Variants in PSD3 observed in about 807,000 individuals in gnomAD.
PSD3 encodes the protein PH and SEC7 domain-containing protein 3.
A neutral mutation model predicts 105.5 loss-of-function variants in PSD3; 49 were observed. The observed-to-expected ratio is 0.46, with a 90% CI of 0.37 to 0.59. The LOEUF is 0.59. Among genes scored for constraint, PSD3 ranks in the 20% least tolerant of loss-of-function variants. The pLI is 0.00. For synonymous variants in PSD3, 557 were observed against 457.8 expected (o/e 1.22, Z -2.77); for missense variants, 1,561 against 1,263.8 (o/e 1.24, Z -3.57).
intron 1 of PSD3, among the ~76,000 whole-genome samples, chr8:18,968,864 A>C (rs1351836670): frequency 2.5e-5 from 3 of 120,664 alleles, no homozygotes; most frequent in Non-Finnish European, 5.6e-5. Flanking sequence ...TGACAGAGCA[A>C]AAAAAAAATG....
intron 1 of PSD3, among the ~76,000 whole-genome samples, chr8:19,037,741 G>C (rs1234447995): frequency 1.3e-5 from 2 of 152,106 alleles, no homozygotes; most frequent in Non-Finnish European, 2.9e-5. Context: ...ACTCAGAACA[G>C]AACTTGCATC....
chr8:18,603,151 G>C (rs540608670), intron 11 of PSD3, among the ~76,000 whole-genome samples: 1 of 152,284 alleles, frequency 6.6e-6, no homozygotes, highest in African/African-American at 2.4e-5. Flanking sequence ...TTACATGTGA[G>C]CCCATCTTTT....
intron 1 of PSD3, among the ~76,000 whole-genome samples, chr8:19,002,846 C>A (rs1826476211): frequency 6.6e-6 from 1 of 152,036 alleles, no homozygotes; most frequent in South Asian, 2.1e-4. Context: ...TAGAATTTTT[C>A]TCCTGGCTTC....
At chr8:18,624,832 TCTTTA>T (rs1204216462) in intron 11 of PSD3, among the ~76,000 whole-genome samples, 2 of 152,092 alleles carry the variant, frequency 1.3e-5, no homozygotes, top group Non-Finnish European at 2.9e-5. Flanking sequence ...TAATATAAAG[TCTTTA>T]CTTTTAGTGT....
chr8:18,842,658 G>C (rs1004352312), intron 4 of PSD3, among the ~76,000 whole-genome samples: 1 of 152,076 alleles, frequency 6.6e-6, no homozygotes, highest in African/African-American at 2.4e-5. Flanking sequence ...GCGTGAACCC[G>C]GGATGCGGAG....
chr8:18,714,269 A>G (rs1802438543), intron 9 of PSD3, among the ~76,000 whole-genome samples: 3 of 152,196 alleles, frequency 2.0e-5, no homozygotes, highest in Non-Finnish European at 4.4e-5. Flanking sequence ...AAAAGTAAAA[A>G]TTGACAAATG....
chr8:19,064,658 T>C (rs1189748910), intron 1 of PSD3, among the ~76,000 whole-genome samples: 1 of 152,210 alleles, frequency 6.6e-6, no homozygotes, highest in African/African-American at 2.4e-5. Flanking sequence ...AGATTAACCT[T>C]TCTGAATTAT....
At chr8:18,855,650 T>C (rs1815950017) in intron 4 of PSD3, among the ~76,000 whole-genome samples, 1 of 152,094 alleles carries the variant, frequency 6.6e-6, no homozygotes. Context: ...CAATGGCCAG[T>C]TTCACAAAAG....
chr8:18,767,089 T>C (rs1446468710), intron 8 of PSD3, among the ~76,000 whole-genome samples: 1 of 152,066 alleles, frequency 6.6e-6, no homozygotes, highest in East Asian at 1.9e-4. Context: ...TCGCAAAACG[T>C]ACAGGAAAGT....
chr8:18,868,120 T>C (rs1817088265), intron 3 of PSD3, 51 bp from the exon 4 acceptor site: 1 of 1,509,990 alleles, frequency 6.6e-7, no homozygotes, highest in Non-Finnish European at 8.9e-7. Flanking sequence ...AATGTCTTTA[T>C]TTCTCCCACT....
chr8:18,628,362 G>C (rs187842789), intron 11 of PSD3, among the ~76,000 whole-genome samples: 261 of 151,848 alleles, frequency 1.7e-3, no homozygotes, highest in African/African-American at 6.1e-3. Flanking sequence ...CTTGGGTGCA[G>C]AGGAACAAAG....
intron 11 of PSD3, among the ~76,000 whole-genome samples, chr8:18,618,889 T>C (rs1359430893): frequency 1.3e-5 from 2 of 152,062 alleles, no homozygotes; most frequent in African/African-American, 2.4e-5. Context: ...TCTTAATATG[T>C]TGCTCAGGCT....
At chr8:18,550,524 G>GT in intron 15 of PSD3, among the ~76,000 whole-genome samples, 1 of 152,020 alleles carries the variant, frequency 6.6e-6, no homozygotes, top group Non-Finnish European at 1.5e-5. Context: ...TGAAAATATC[G>GT]TAAGTCAAAA....
At chr8:18,992,449 A>G (rs1032757927) in intron 1 of PSD3, among the ~76,000 whole-genome samples, 12 of 152,354 alleles carry the variant, frequency 7.9e-5, no homozygotes, top group African/African-American at 2.9e-4. Flanking sequence ...ATGAATGGAT[A>G]AATTCAGAGA....
intron 1 of PSD3, among the ~76,000 whole-genome samples, chr8:19,077,305 T>C (rs1463386062): frequency 6.6e-6 from 1 of 152,242 alleles, no homozygotes; most frequent in Non-Finnish European, 1.5e-5. Context: ...CATAATCTGC[T>C]GGACCTGGTT....
chr8:18,799,465 G>T, intron 7 of PSD3, 112 bp from the exon 8 acceptor site: 1 of 808,074 alleles, frequency 1.2e-6, no homozygotes, highest in Non-Finnish European at 2.0e-6. Flanking sequence ...ACTGTGCTAG[G>T]TACAATTAGT....
chr8:18,796,988 AAAC>A (rs900952438), intron 8 of PSD3, among the ~76,000 whole-genome samples: 2 of 152,198 alleles, frequency 1.3e-5, no homozygotes, highest in African/African-American at 4.8e-5. Context: ...ACAGACACTA[AAAC>A]AACAACAAAA....
intron 9 of PSD3, among the ~76,000 whole-genome samples, chr8:18,698,459 G>C (rs1018901637): frequency 1.3e-5 from 2 of 152,042 alleles, no homozygotes; most frequent in South Asian, 4.1e-4. Flanking sequence ...TTCAGAGTCA[G>C]AGAAGACGGG....
chr8:18,674,835 C>T (rs1205454570), intron 9 of PSD3, among the ~76,000 whole-genome samples: 1 of 152,116 alleles, frequency 6.6e-6, no homozygotes, highest in East Asian at 1.9e-4. Context: ...TGTAAGTCCT[C>T]TGTCTCTACA....
Sources: gnomAD v4.1 joint callset for allele counts (sites outside exome capture counted in the v4.1 genomes callset) on GRCh38, gnomAD v4.1.1 for gene constraint, MANE v1.5 for transcripts, NCBI Gene and HGNC (gene_info 2026-07-23, HGNC 2026-07-21) for gene names.